ALDH1A2: variants seen among roughly 807,000 people sequenced by gnomAD.
ALDH1A2 encodes retinal dehydrogenase 2.
A neutral mutation model predicts 60.3 loss-of-function variants in ALDH1A2; 27 were observed. The ratio of observed to expected loss-of-function variants is 0.45; its 90% CI spans 0.33 to 0.62. The LOEUF (loss-of-function observed/expected upper bound fraction) is 0.62, where lower values mean the gene tolerates loss of function less well. ALDH1A2 is among the 20% of genes least tolerant of loss of function. ALDH1A2 has a pLI of 0.02. For synonymous variants in ALDH1A2, 289 were observed against 232.4 expected (o/e 1.24, Z -2.21); for missense variants, 581 against 643.8 (o/e 0.90, Z 1.06).
chr15:58,045,734 G>A (rs1483291408), intron 1 of ALDH1A2, among the ~76,000 whole-genome samples: 3 of 151,908 alleles, frequency 2.0e-5, no homozygotes, highest in Non-Finnish European at 2.9e-5. Context: ...CCACACACCC[G>A]GACCTGTCAG....
chr15:57,978,618 A>G (rs367624696), intron 7 of ALDH1A2, among the ~76,000 whole-genome samples: 17 of 152,172 alleles, frequency 1.1e-4, no homozygotes, highest in Admixed American at 6.5e-4. Context: ...ATTTCACATT[A>G]TCTCATGGAG....
chr15:58,041,730 AG>A (rs1374987013), intron 1 of ALDH1A2, among the ~76,000 whole-genome samples: 3 of 151,952 alleles, frequency 2.0e-5, no homozygotes, highest in Non-Finnish European at 4.4e-5. Context: ...TTTGTATAGG[AG>A]TCCTCCTTTA....
intron 4 of ALDH1A2, among the ~76,000 whole-genome samples, chr15:58,006,223 T>A (rs1013697130): frequency 3.9e-5 from 6 of 151,956 alleles, no homozygotes; most frequent in Admixed American, 2.6e-4. Context: ...CGCCTTTGCA[T>A]CCTCATAGCT....
chr15:58,028,950 G>T (rs1255870438), intron 1 of ALDH1A2, among the ~76,000 whole-genome samples: 1 of 152,058 alleles, frequency 6.6e-6, no homozygotes, highest in Non-Finnish European at 1.5e-5. Context: ...CAATAATAAT[G>T]GGAGACTTTA....
At chr15:58,057,246 A>T (rs1018797980) in intron 1 of ALDH1A2, among the ~76,000 whole-genome samples, 1 of 152,206 alleles carries the variant, frequency 6.6e-6, no homozygotes. Context: ...TGAACTAATT[A>T]TAAGTACATC....
At chr15:57,965,853 T>C (rs765860470) in intron 7 of ALDH1A2, 26 bp from the exon 8 acceptor site, 13 of 1,594,416 alleles carry the variant, frequency 8.2e-6, no homozygotes, top group Admixed American at 5.0e-5. Context: ...TGGAGACAGG[T>C]TTTGCAAATC....
intron 1 of ALDH1A2, among the ~76,000 whole-genome samples, chr15:58,025,021 A>G (rs1386297240): frequency 2.6e-5 from 4 of 152,186 alleles, no homozygotes; most frequent in African/African-American, 7.2e-5. Context: ...ACTCTTGGGA[A>G]TAACAAAAGC....
chr15:57,956,248 T>C (rs1451980612), intron 12 of ALDH1A2, among the ~76,000 whole-genome samples: 1 of 152,220 alleles, frequency 6.6e-6, no homozygotes, highest in Non-Finnish European at 1.5e-5. Context: ...GCGAGCTTCC[T>C]ATTCCCTCTT....
chr15:58,025,053 A>G (rs570947261), intron 1 of ALDH1A2, among the ~76,000 whole-genome samples: 15 of 152,316 alleles, frequency 9.8e-5, no homozygotes, highest in Non-Finnish European at 1.6e-4. Flanking sequence ...GAAATTTTAT[A>G]GCAATTAATG....
In ALDH1A2 at chr15:57,998,177, T is replaced by C. The variant is rs527409633; in HGVS notation, c.494-3038A>G. Among the ~76,000 whole-genome samples, 7 of 152,106 alleles carry C rather than the reference T, an allele frequency of 4.6e-5. No individual in the cohort carries two copies. In the South Asian group the frequency reaches 6.2e-4, roughly 14 times the overall value. The stretch of plus-strand genomic sequence containing the variant: ...CCTCTTTCACCACTCCTATTCAACA[T>C]AGTATTGGAAGTTCTGGCCAGTTCT... On this transcript the variant is annotated intron_variant, in intron 4 of 12. Coordinates refer to ENST00000249750, the MANE Select transcript of ALDH1A2 (RefSeq NM_003888.4).
chr15:57,991,012 A>C (rs1894879563), intron 7 of ALDH1A2, among the ~76,000 whole-genome samples: 1 of 152,152 alleles, frequency 6.6e-6, no homozygotes, highest in Non-Finnish European at 1.5e-5. Flanking sequence ...TTGATATAGA[A>C]CCAAGAACTT....
chr15:57,961,241 G>C lies in ALDH1A2; in HGVS notation c.1305C>G (p.Ile435Met). ...ILRFKTMDEV[I>M]ERANNSDFGL... ...CAAAGTCTGAGTTATTGGCTCTTTCGATAACTTCATCCATCGTCTTAAATC... is the reference window on the plus strand; with the variant it reads ...CAAAGTCTGAGTTATTGGCTCTTTCCATAACTTCATCCATCGTCTTAAATC... Residue 435 changes from isoleucine (I) to methionine (M), a missense_variant, in exon 11 of 13, where the codon ATC becomes ATG. Coordinates refer to ENST00000249750, the MANE Select transcript of ALDH1A2 (RefSeq NM_003888.4). 6.2e-7 allele frequency: 1 copy of C among 1,613,968 alleles called. No homozygotes were observed. The highest frequency in any genetic ancestry group is 8.5e-7 in the Non-Finnish European group (1 of 1,179,942).
At position 58,014,248 on chromosome 15, in the gene ALDH1A2, T is replaced by C. The variant is rs775336823; in HGVS notation, c.151A>G (p.Ser51Gly). The C allele has an allele frequency of 5.0e-6, 8 of 1,614,064 alleles. No individual in the cohort carries two copies. The East Asian group carries it at 1.6e-4, about 31-fold the overall frequency. The change falls in exon 2 of 13, where the codon AGT (serine) becomes GGT (glycine). Residue 51 changes from serine (S) to glycine (G), a missense_variant. Ser to Gly is a moderately conservative substitution (Grantham distance 56, BLOSUM62 0). This residue lies in a region of ALDH1A2 where 206 missense variants were observed against 174.1 expected (regional missense o/e 1.18). Coordinates refer to ENST00000249750, the MANE Select transcript of ALDH1A2 (RefSeq NM_003888.4). ...FINNEWQNSE[S>G]GRVFPVYNPA... The stretch of plus-strand genomic sequence containing the variant: ...TTATAGACAGGGAACACTCTCCCAC[T>C]CTCTGAGTTCTGCCACTCGTTGTTT...
At chr15:58,054,913 C>CT (rs1896858992) in intron 1 of ALDH1A2, among the ~76,000 whole-genome samples, 1 of 151,948 alleles carries the variant, frequency 6.6e-6, no homozygotes, top group African/African-American at 2.4e-5. Flanking sequence ...CAATTCTCTC[C>CT]TTTTTTTAAA....
Position 57,965,674 on chromosome 15 carries a change from A to G in ALDH1A2, c.901+51T>C, listed in dbSNP as rs745918650. ...CATCAAAAGTGGAGATATAAAAGAG[A>G]GCACCAAAGGGTGTGTGGTGGTTCA... On this transcript the variant is annotated intron_variant, in intron 8 of 12. Transcript: ENST00000249750. The G allele has an allele frequency of 2.3e-6, 3 of 1,294,552 alleles. No individual in the cohort carries two copies. The East Asian group carries it at 6.9e-5, about 30-fold the overall frequency. The allele number at this position is 1,294,552 out of a possible 1,614,324, so 80.2% of individuals were successfully genotyped here.
At chr15:57,979,191 G>A (rs1172762648) in intron 7 of ALDH1A2, among the ~76,000 whole-genome samples, 1 of 152,122 alleles carries the variant, frequency 6.6e-6, no homozygotes, top group African/African-American at 2.4e-5. Context: ...AGCCACTTGG[G>A]AGCCTGAGAT....
At chr15:58,041,904 T>C (rs534025305) in intron 1 of ALDH1A2, among the ~76,000 whole-genome samples, 2 of 152,060 alleles carry the variant, frequency 1.3e-5, no homozygotes, top group East Asian at 3.9e-4. Context: ...CAACTAGTAA[T>C]GAAGTGAACT....
At chr15:58,058,468 CAAAAAAA>C (rs1188637852) in intron 1 of ALDH1A2, among the ~76,000 whole-genome samples, 1 of 23,564 alleles carries the variant, frequency 4.2e-5, no homozygotes, top group Non-Finnish European at 1.2e-4. Flanking sequence ...AAATGATATT[CAAAAAAA>C]AAAAAAAAAA....
rs564494455 is a variant in ALDH1A2, at chr15:58,013,889, T to G, written c.332A>C (p.Asp111Ala). 2.5e-6 allele frequency: 4 copies of G among 1,614,204 alleles called. No individual in the cohort carries two copies. The East Asian group carries it at 8.9e-5, about 36-fold the overall frequency. The change falls in exon 3 of 13, where the codon GAC becomes GCC. Residue 111 changes from aspartate to alanine, a missense_variant. Asp to Ala is a moderately radical substitution (Grantham distance 126, BLOSUM62 -2). Around this residue, in one of 2 missense-constraint regions of ALDH1A2, gnomAD observed 206 missense variants for 174.1 expected, o/e 1.18. Transcript: ENST00000249750. ...ERGRLLDKLA[D>A]LVERDRAVLA... is the part of the protein sequence containing the mutation. Reference sequence around the variant, plus strand: ...AACTGCCCTGTCCCGTTCCACCAAGTCTGCAAGCTTATCCAACAGACGTCC... The same window carrying G: ...AACTGCCCTGTCCCGTTCCACCAAGGCTGCAAGCTTATCCAACAGACGTCC...
Sources: allele counts gnomAD v4.1 joint callset (sites outside exome capture counted in the v4.1 genomes callset), GRCh38; gene constraint gnomAD v4.1.1; regional missense constraint gnomAD v4.1.1; transcripts MANE v1.5; gene names NCBI Gene and HGNC (gene_info 2026-07-23, HGNC 2026-07-21).